Variants in HIP1 observed in about 807,000 individuals in gnomAD.
The protein encoded by HIP1 is huntingtin interacting protein 1, also known as huntingtin-interacting protein 1.
Under a neutral mutation model 147.6 loss-of-function variants are expected in HIP1, and 65 were observed. The observed-to-expected ratio is 0.44, with a 90% CI of 0.36 to 0.54. The LOEUF is 0.54. Among genes scored for constraint, HIP1 ranks in the 20% least tolerant of loss-of-function variants. The pLI, the probability that HIP1 is intolerant of heterozygous loss-of-function variation, is 0.00. For missense variants in HIP1, 1,061 were observed against 1,299.6 expected, an observed-to-expected ratio of 0.82 and a Z score of 2.82; for synonymous variants, 479 against 504.0, an observed-to-expected ratio of 0.95 and a Z score of 0.67.
chr7:75,703,553 G>A (rs1554519375), intron 1 of HIP1, among the ~76,000 whole-genome samples: 1 of 151,666 alleles, frequency 6.6e-6, no homozygotes, highest in Admixed American at 6.6e-5. Context: ...TGAGGCAAGA[G>A]AATTGCTTGA....
Position 75,662,777 on chromosome 7 carries a change from C to T in HIP1, c.121-63530G>A, listed in dbSNP as rs576709898. 1.5e-4 allele frequency among the ~76,000 whole-genome samples: 23 copies of T among 152,144 alleles called. No homozygotes were observed. In the East Asian group the frequency reaches 1.6e-3, roughly 10 times the overall value. On this transcript the variant is annotated intron_variant, in intron 1 of 30. Transcript: ENST00000336926. ...CTCCTCAGCCTCCTGGAGTGAGCCA[C>T]GGTGCCTGGCCTGGAAAGAGGTTTT... is the stretch of plus-strand genomic sequence containing the variant.
chr7:75,611,087 A>G (rs1360866205), intron 1 of HIP1, among the ~76,000 whole-genome samples: 1 of 146,414 alleles, frequency 6.8e-6, no homozygotes, highest in South Asian at 2.1e-4. Context: ...TGTATTTTGT[A>G]TTTTTTTTTT....
In HIP1 at chr7:75,622,261, AGT is replaced by A. The variant is rs1797868310; in HGVS notation, c.121-23016_121-23015del. 3.4e-5 allele frequency among the ~76,000 whole-genome samples: 5 copies of A among 145,082 alleles called. No individual in the cohort carries two copies. In the South Asian group the frequency reaches 1.1e-3, roughly 32 times the overall value. On this transcript the variant is annotated intron_variant, in intron 1 of 30. Transcript: ENST00000336926. ...CACTGCACTCTAGCCTGGGTGATAG[AGT>A]GAGACTCTGTCTCAAAAAAAAAAAG...
At chr7:75,611,486 A>G (rs1797436195) in intron 1 of HIP1, among the ~76,000 whole-genome samples, 1 of 151,770 alleles carries the variant, frequency 6.6e-6, no homozygotes. Context: ...AAAAAAGAAA[A>G]AAAAAAGTCC....
At position 75,536,739 on chromosome 7, in the gene HIP1, C is replaced by T. The variant is rs1794097619; in HGVS notation, c.*1433G>A. 4.4e-6 allele frequency: 1 copy of T among 228,454 alleles called. No homozygotes were observed. Among genetic ancestry groups the T allele is most frequent in the Non-Finnish European group, 8.7e-6 (1 of 115,236 alleles). 14.2% of individuals were successfully genotyped at this position (228,454 alleles called of 1,614,324 possible). On this transcript the variant is annotated 3_prime_UTR_variant, in exon 31 of 31. Transcript: ENST00000336926. ...CAAATGATCTCCTTGCTTTGGGATC[C>T]AAGTCAGTAACAGTCCAGCACCTTG...
chr7:75,693,164 CAA>C (rs201833622), intron 1 of HIP1, among the ~76,000 whole-genome samples: 19 of 118,930 alleles, frequency 1.6e-4, no homozygotes, highest in African/African-American at 1.5e-4. Flanking sequence ...AACCCTGTCT[CAA>C]AAAAAAAAAA....
intron 1 of HIP1, among the ~76,000 whole-genome samples, chr7:75,636,511 G>T (rs1333794327): frequency 1.3e-5 from 2 of 152,234 alleles, no homozygotes; most frequent in Non-Finnish European, 2.9e-5. Flanking sequence ...GGCCCCCAGA[G>T]CGAGGACTTC....
At position 75,562,931 on chromosome 7, in the gene HIP1, T is replaced by C. The variant is rs782544628; in HGVS notation, c.1020+4A>G. Reference sequence around the variant, plus strand: ...GCCAAGTTTCTCTCCCAAGTGGTCCTCACCTGCTGAGAGGCATCCATGTCC... The same window carrying C: ...GCCAAGTTTCTCTCCCAAGTGGTCCCCACCTGCTGAGAGGCATCCATGTCC... On this transcript the variant is annotated splice_donor_region_variant and intron_variant, in intron 11 of 30. Coordinates refer to ENST00000336926, the MANE Select transcript of HIP1 (RefSeq NM_005338.7). The C allele has an allele frequency of 2.5e-5, 41 of 1,614,014 alleles. No individual in the cohort carries two copies. The highest frequency in any genetic ancestry group is 1.2e-5 in the Non-Finnish European group (14 of 1,180,014).
In HIP1 at chr7:75,589,718, C is replaced by CT. The variant is rs1554500331; in HGVS notation, c.384+2337dup. 7.5e-5 allele frequency among the ~76,000 whole-genome samples: 7 copies of CT among 93,440 alleles called. 1 individual carries two copies. The highest frequency in any genetic ancestry group is 7.1e-4 in the East Asian group (2 of 2,824). 61.3% of individuals were successfully genotyped at this position (93,440 alleles called of 152,430 possible). On this transcript the variant is annotated intron_variant, in intron 4 of 30. Transcript: ENST00000336926. ...AAAAAAAAAAAAAAAAAAAAAAAGACTTTTTTTTTGGGTTTTTTTTGTTTT... is the reference window on the plus strand; with the variant it reads ...AAAAAAAAAAAAAAAAAAAAAAAGACTTTTTTTTTTGGGTTTTTTTTGTTTT...
intron 1 of HIP1, among the ~76,000 whole-genome samples, chr7:75,661,257 G>A (rs1357052439): frequency 1.4e-5 from 2 of 140,474 alleles, no homozygotes. Context: ...CAGCCTAGGT[G>A]ACAAAATGAG....
chr7:75,617,282 T>C (rs1406302480), intron 1 of HIP1, among the ~76,000 whole-genome samples: 1 of 152,134 alleles, frequency 6.6e-6, no homozygotes, highest in Non-Finnish European at 1.5e-5. Flanking sequence ...TTTCACCATG[T>C]TGACCAGGCT....
intron 9 of HIP1, among the ~76,000 whole-genome samples, chr7:75,564,098 C>CA (rs1554495080): frequency 6.6e-6 from 1 of 152,080 alleles, no homozygotes; most frequent in Non-Finnish European, 1.5e-5. Flanking sequence ...TGCTGTGTTG[C>CA]CCAGGCTGGT....
intron 22 of HIP1, among the ~76,000 whole-genome samples, chr7:75,551,215 T>TTTTTTTTTTTTTTTTTTGG: frequency 7.5e-6 from 1 of 134,202 alleles, no homozygotes; most frequent in Non-Finnish European, 1.6e-5. Flanking sequence ...TTTTTTTTTT[T>TTTTTTTTTTTTTTTTTTGG]GAGGCAGTGT....
At chr7:75,564,750 A>C (rs1795346184) in intron 9 of HIP1, among the ~76,000 whole-genome samples, 1 of 151,602 alleles carries the variant, frequency 6.6e-6, no homozygotes, top group Non-Finnish European at 1.5e-5. Context: ...GTGTGCCACC[A>C]CACCTGGCTA....
In HIP1 at chr7:75,534,439, C is replaced by CTT. The variant is rs782284084; in HGVS notation, c.*3731_*3732dup. 2.6e-4 allele frequency: 43 copies of CTT among 167,674 alleles called. No individual in the cohort carries two copies. The highest frequency in any genetic ancestry group is 6.9e-4 in the African/African-American group (28 of 40,594). 10.4% of individuals were successfully genotyped at this position (167,674 alleles called of 1,614,324 possible). ...CTTCTATTTCTTTCTCTCTCTCTCT[C>CTT]TTTTTTTTTTTTGAGATGGAGTCTC... On this transcript the variant is annotated 3_prime_UTR_variant, in exon 31 of 31. Transcript: ENST00000336926.
At chr7:75,663,977 TATATGTGTATATATATAC>T (rs1799408897) in intron 1 of HIP1, among the ~76,000 whole-genome samples, 1 of 23,694 alleles carries the variant, frequency 4.2e-5, no homozygotes, top group East Asian at 1.5e-3. Flanking sequence ...TATATACACA[TATATGTGTATATATATAC>T]ACATATATGT....
chr7:75,597,708 C>T (rs1554502191), intron 2 of HIP1, among the ~76,000 whole-genome samples: 1 of 133,410 alleles, frequency 7.5e-6, no homozygotes, highest in Admixed American at 8.9e-5. Context: ...CCACTGCACT[C>T]CAGCCTAGGC....
chr7:75,625,394 G>A (rs2117106325), intron 1 of HIP1: 1 of 152,680 alleles, frequency 6.5e-6, no homozygotes. Flanking sequence ...CACCTTGTGA[G>A]AGGAGAGAGA....
intron 1 of HIP1, among the ~76,000 whole-genome samples, chr7:75,726,518 C>T (rs1445608155): frequency 3.3e-5 from 5 of 151,996 alleles, no homozygotes; most frequent in African/African-American, 4.8e-5. Context: ...CTCTTGACCT[C>T]GCGATCCGCT....
Sources: allele counts gnomAD v4.1 joint callset (sites outside exome capture counted in the v4.1 genomes callset), GRCh38; gene constraint gnomAD v4.1.1; transcripts MANE v1.5; gene names NCBI Gene and HGNC (gene_info 2026-07-23, HGNC 2026-07-21).